Variants in VCF1 observed in about 807,000 individuals in gnomAD.
VCF1 encodes VCP nuclear cofactor family member 1.
chr17:73,227,827 A>G, the VCF1 span: 575 of 240,060 alleles, frequency 2.4e-3, 3 homozygotes, highest in Admixed American at 4.3e-3. Flanking sequence ...AAGCTGCTTA[A>G]AATTTCCAGG....
At chr17:73,209,344 G>C in the VCF1 span, 1 of 784,762 alleles carries the variant, frequency 1.3e-6, no homozygotes, top group African/African-American at 1.7e-5. Flanking sequence ...AAGCCCCTTT[G>C]AAATTGCAAT....
chr17:73,231,687 C>T, the VCF1 span, among the ~76,000 whole-genome samples: 1 of 152,158 alleles, frequency 6.6e-6, no homozygotes, highest in East Asian at 1.9e-4. Flanking sequence ...CCGGCAGCTC[C>T]CCGCCCGGTG....
At chr17:73,208,535 C>A in the VCF1 span, 2 of 1,481,048 alleles carry the variant, frequency 1.4e-6, no homozygotes, top group Non-Finnish European at 9.4e-7. Flanking sequence ...GATTCTCAGC[C>A]ACACCAATCT....
chr17:73,226,342 T>C, the VCF1 span, among the ~76,000 whole-genome samples: 1 of 152,234 alleles, frequency 6.6e-6, no homozygotes, highest in Non-Finnish European at 1.5e-5. Context: ...GGGAGTTACT[T>C]TGAATTGCTG....
chr17:73,209,779 GAAGA>G, the VCF1 span: 1 of 1,539,268 alleles, frequency 6.5e-7, no homozygotes, highest in African/African-American at 1.4e-5. Flanking sequence ...CTGGAAGGAA[GAAGA>G]AAGAAACAGG....
At chr17:73,232,166 G>T in the VCF1 span, 1 of 1,609,958 alleles carries the variant, frequency 6.2e-7, no homozygotes, top group Non-Finnish European at 8.5e-7. Flanking sequence ...GAACAGAGGG[G>T]GTTGTGTTTC....
the VCF1 span, among the ~76,000 whole-genome samples, chr17:73,225,680 T>C: frequency 4.0e-5 from 6 of 151,750 alleles, no homozygotes; most frequent in Non-Finnish European, 8.8e-5. Flanking sequence ...TTTTAATGAA[T>C]AGTCTTACAA....
At chr17:73,221,720 T>C in the VCF1 span, among the ~76,000 whole-genome samples, 1 of 151,752 alleles carries the variant, frequency 6.6e-6, no homozygotes, top group Non-Finnish European at 1.5e-5. Flanking sequence ...GAGACCCCCA[T>C]CTCCACAAAA....
the VCF1 span, chr17:73,207,725 C>T: frequency 3.1e-6 from 4 of 1,291,856 alleles, no homozygotes; most frequent in South Asian, 2.5e-5. Flanking sequence ...GTTAAGCCTG[C>T]AGGAATCCTC....
At chr17:73,213,376 G>A in the VCF1 span, among the ~76,000 whole-genome samples, 3 of 152,018 alleles carry the variant, frequency 2.0e-5, no homozygotes, top group South Asian at 2.1e-4. Flanking sequence ...ATTCTATTCA[G>A]CCATTAGCAA....
At chr17:73,222,879 C>A in the VCF1 span, among the ~76,000 whole-genome samples, 1 of 151,496 alleles carries the variant, frequency 6.6e-6, no homozygotes, top group Non-Finnish European at 1.5e-5. Context: ...TCTGGGAGAG[C>A]ACACACCATG....
chr17:73,228,503 TTAA>T, the VCF1 span, among the ~76,000 whole-genome samples: 735 of 152,258 alleles, frequency 4.8e-3, 13 homozygotes, highest in East Asian at 0.025. Context: ...AGGTCTAACT[TTAA>T]TAATGAGTAT....
At chr17:73,231,577 C>G in the VCF1 span, among the ~76,000 whole-genome samples, 9 of 152,218 alleles carry the variant, frequency 5.9e-5, no homozygotes, top group African/African-American at 2.2e-4. Flanking sequence ...GTCATCTGCC[C>G]TTCTGTGTTC....
chr17:73,230,897 G>T, the VCF1 span, among the ~76,000 whole-genome samples: 1 of 152,184 alleles, frequency 6.6e-6, no homozygotes, highest in South Asian at 2.1e-4. Flanking sequence ...TTATTTGTAG[G>T]AAATATTTAG....
the VCF1 span, chr17:73,207,660 CA>C: frequency 7.7e-7 from 1 of 1,294,898 alleles, no homozygotes; most frequent in Non-Finnish European, 1.0e-6. Flanking sequence ...TTTGTTTCCC[CA>C]AAAGTTTGAC....
the VCF1 span, chr17:73,212,829 G>T: frequency 2.3e-6 from 2 of 862,364 alleles, no homozygotes; most frequent in South Asian, 1.8e-5. Context: ...AATAGCACAA[G>T]GGTGATGCTA....
At chr17:73,207,398 G>A in the VCF1 span, 1 of 839,332 alleles carries the variant, frequency 1.2e-6, no homozygotes, top group Non-Finnish European at 2.0e-6. Flanking sequence ...CGGCGCAATA[G>A]AGAAGTACAA....
the VCF1 span, among the ~76,000 whole-genome samples, chr17:73,222,349 A>G: frequency 6.6e-6 from 1 of 152,008 alleles, no homozygotes; most frequent in African/African-American, 2.4e-5. Flanking sequence ...AAAACACAAG[A>G]CCACATTTTT....
the VCF1 span, chr17:73,227,383 A>G: frequency 1.2e-6 from 1 of 810,976 alleles, no homozygotes; most frequent in Non-Finnish European, 1.8e-6. Context: ...AACATAATTC[A>G]GCATATGATA....
Sources: gnomAD v4.1 joint callset for allele counts (sites outside exome capture counted in the v4.1 genomes callset) on GRCh38, gnomAD v4.1.1 for gene constraint, MANE v1.5 for transcripts, NCBI Gene and HGNC (gene_info 2026-07-23, HGNC 2026-07-21) for gene names.